The following COL9A3 variants were observed in gnomAD, a reference collection of about 807,000 sequenced individuals.
COL9A3 encodes collagen type IX alpha 3 chain, also known as collagen alpha-3(IX) chain.
A neutral mutation model predicts 110.2 loss-of-function variants in COL9A3; 82 were observed. The ratio of observed to expected loss-of-function variants is 0.74; its 90% CI spans 0.62 to 0.89. The LOEUF is 0.89. COL9A3 is among the 40% of genes least tolerant of loss of function. The pLI is 0.00. For synonymous variants in COL9A3, 494 were observed against 403.8 expected (o/e 1.22, Z -2.68); for missense variants, 1,066 against 981.3 (o/e 1.09, Z -1.15).
intron 12 of COL9A3, 89 bp from the exon 13 acceptor site, chr20:62,825,728 G>A: frequency 2.2e-6 from 3 of 1,355,932 alleles, no homozygotes; most frequent in Non-Finnish European, 3.1e-6. Context: ...ACCCCCAGCT[G>A]CTTGGGCTTG....
At chr20:62,818,638 GTC>G in intron 3 of COL9A3, 85 bp downstream of exon 3, 1 of 1,406,902 alleles carries the variant, frequency 7.1e-7, no homozygotes, top group Non-Finnish European at 1.0e-6. Context: ...TTGATATCCT[GTC>G]TCATCCTGCC....
chr20:62,837,173 C>G lies in COL9A3; in HGVS notation c.1694C>G (p.Pro565Arg). The G allele has an allele frequency of 6.2e-7, 1 of 1,612,350 alleles. No homozygotes were observed. Residue 565 changes from proline to arginine, a missense_variant, in exon 30 of 32, where the codon CCA becomes CGA. By Grantham distance (103) the Pro-to-Arg change is moderately radical (BLOSUM62 -2). Transcript: ENST00000649368. ...RPGPAGPPGP[P>R]GPPGSIGHPG... ...GGTCCAGCTGGCCCCCCTGGGCCCC[C>G]AGGACCCCCAGGCTCCATTGGTCAC... is the stretch of plus-strand genomic sequence containing the variant.
chr20:62,827,969 G>A lies in COL9A3; in HGVS notation c.893G>A (p.Gly298Glu), dbSNP rs764062674. Residue 298 changes from glycine (G) to glutamate (E), a missense_variant, in exon 17 of 32, where the codon GGA becomes GAA. Physicochemically the swap from Gly to Glu is moderately conservative, Grantham distance 98. Coordinates refer to ENST00000649368, the MANE Select transcript of COL9A3 (RefSeq NM_001853.4). ...KGTPGVAGPS[G>E]EPGMPGKDGQ... is the part of the protein sequence containing the mutation. ...ACCCCCGGAGTGGCCGGGCCAAGCG[G>A]AGAGCCGGTGAGTGCACGTGGCTGC... 6.2e-7 allele frequency: 1 copy of A among 1,612,826 alleles called. No individual in the cohort carries two copies. The highest frequency in any genetic ancestry group is 2.2e-5 in the East Asian group (1 of 44,900).
In COL9A3 at chr20:62,817,144, T is replaced by A; in HGVS notation, c.78+2T>A. 1 of 1,393,526 alleles carries A rather than the reference T, an allele frequency of 7.2e-7. No individual in the cohort carries two copies. The allele number at this position is 1,393,526 out of a possible 1,614,324, so 86.3% of individuals were successfully genotyped here. A position where few individuals can be genotyped will look rare whatever the true frequency, so the allele number is the denominator to read the frequency against. On this transcript the variant is annotated splice_donor_variant, in intron 1 of 31. Coordinates refer to ENST00000649368, the MANE Select transcript of COL9A3 (RefSeq NM_001853.4). LOFTEE classifies it high-confidence loss of function. The stretch of plus-strand genomic sequence containing the variant: ...CTTCTGGCGGCCGCCGGGGCGCAGG[T>A]GAGCGCGAGCTCCGGGCTCTGAGGC...
At position 62,832,978 on chromosome 20, in the gene COL9A3, T is replaced by C. The variant is rs375089752; in HGVS notation, c.1324-42T>C. 7 of 1,591,140 alleles carry C rather than the reference T, an allele frequency of 4.4e-6. No homozygotes were observed. In the African/African-American group the frequency reaches 5.4e-5, roughly 12 times the overall value. On this transcript the variant is annotated intron_variant, in intron 25 of 31. Coordinates refer to ENST00000649368, the MANE Select transcript of COL9A3 (RefSeq NM_001853.4). ...CTTTAAGGCATGAAGTCCCTACTCATGCATGAACAGCTCTTTTAACTTTGG... is the reference window on the plus strand; with the variant it reads ...CTTTAAGGCATGAAGTCCCTACTCACGCATGAACAGCTCTTTTAACTTTGG...
Position 62,836,486 on chromosome 20 carries a change from G to A in COL9A3, c.1557G>A (p.Glu519=). ...TGTGGGGTGAATTCCAGGGGAAGGAGGCCAGCGAGCAGCGCATCAGGGAGC... is the reference window on the plus strand; with the variant it reads ...TGTGGGGTGAATTCCAGGGGAAGGAAGCCAGCGAGCAGCGCATCAGGGAGC... ...ITGKPGVPGK[E]ASEQRIRELC... is the part of the protein sequence containing the mutation. The change falls in exon 29 of 32, where the codon GAG becomes GAA. Residue 519 remains glutamate, a synonymous_variant. Coordinates refer to ENST00000649368, the MANE Select transcript of COL9A3 (RefSeq NM_001853.4). 1.2e-6 allele frequency: 2 copies of A among 1,613,684 alleles called. No individual in the cohort carries two copies. Among genetic ancestry groups the A allele is most frequent in the Non-Finnish European group, 1.7e-6 (2 of 1,179,824 alleles).
intron 10 of COL9A3, among the ~76,000 whole-genome samples, chr20:62,823,124 C>T (rs1225179192): frequency 6.6e-6 from 1 of 152,312 alleles, no homozygotes; most frequent in South Asian, 2.1e-4. Context: ...ATCGCTTAAG[C>T]TCAGGAGTTT....
At chr20:62,821,975 A>G in intron 8 of COL9A3, 136 bp from the exon 9 acceptor site, 1 of 773,942 alleles carries the variant, frequency 1.3e-6, no homozygotes, top group Non-Finnish European at 2.3e-6. Context: ...ACCCGACCTC[A>G]GGACGCAGAC....
In COL9A3 at chr20:62,827,245, A is replaced by G. The variant is rs773593083; in HGVS notation, c.797A>G (p.Asp266Gly). Residue 266 changes from aspartate to glycine, a missense_variant, in exon 16 of 32, where the codon GAC becomes GGC. Transcript: ENST00000649368. ...GIPGAPGKAG[D>G]RGERGPEGFR... The stretch of plus-strand genomic sequence containing the variant: ...GCCCCACCTCATCCTTTCCAGGGTG[A>G]CCGAGGCGAGAGGGGCCCAGAAGGG... 6.2e-7 allele frequency: 1 copy of G among 1,613,234 alleles called. No individual in the cohort carries two copies. The highest frequency in any genetic ancestry group is 1.7e-5 in the Admixed American group (1 of 60,024).
intron 15 of COL9A3, 134 bp downstream of exon 15, chr20:62,826,954 G>C: frequency 4.0e-6 from 4 of 995,350 alleles, no homozygotes; most frequent in Non-Finnish European, 6.1e-6. Context: ...ACCCTGGGAG[G>C]GCTTGTGGCA....
intron 12 of COL9A3, 100 bp from the exon 13 acceptor site, chr20:62,825,717 C>A: frequency 8.1e-7 from 1 of 1,236,314 alleles, no homozygotes; most frequent in Non-Finnish European, 1.2e-6. Context: ...AAGGGGGCAA[C>A]ACCCCCAGCT....
rs535310076 is a variant in COL9A3 at position 62,837,303 on chromosome 20, A to C, written c.1786+38A>C. 3.5e-5 allele frequency: 56 copies of C among 1,594,984 alleles called. 2 individuals carry two copies. The highest frequency in any genetic ancestry group is 2.7e-4 in the East Asian group (12 of 44,556). ...CCCCATGACACGGTCACCCTGCTGT[A>C]AAAATCCCTGAGACTGACTTGTTAG... On this transcript the variant is annotated intron_variant, in intron 30 of 31. Transcript: ENST00000649368.
rs781085435 is a variant in COL9A3, at chr20:62,822,158, A to G, written c.471A>G (p.Gly157=). The G allele has an allele frequency of 1.3e-6, 2 of 1,571,876 alleles. No homozygotes were observed. Among genetic ancestry groups the G allele is most frequent in the South Asian group, 1.1e-5 (1 of 90,262 alleles). ...PGLPGPPGPP[G]PPGHPGVLPE... The stretch of plus-strand genomic sequence containing the variant: ...TCCCTGGTCCCCCAGGACCTCCCGG[A>G]CCCCCTGTAAGTACTGGGCAGAGGC... Residue 157 remains glycine (G), a synonymous_variant, in exon 9 of 32, where the codon GGA becomes GGG. Coordinates refer to ENST00000649368, the MANE Select transcript of COL9A3 (RefSeq NM_001853.4).
Position 62,838,734 on chromosome 20 carries a change from G to A in COL9A3, c.1837G>A (p.Gly613Arg), listed in dbSNP as rs1131691582. ...DKGAAGAGLD[G>R]PEGDQGPQGP... ...AGGCGCGGCAGGAGCAGGGCTGGACGGGCCTGAAGGAGACCAGGGGCCCCA... is the reference window on the plus strand; with the variant it reads ...AGGCGCGGCAGGAGCAGGGCTGGACAGGCCTGAAGGAGACCAGGGGCCCCA... Residue 613 changes from glycine to arginine, a missense_variant, in exon 31 of 32, where the codon GGG (glycine) becomes AGG (arginine). Gly to Arg is a moderately radical substitution (Grantham distance 125). Transcript: ENST00000649368. 17 of 1,552,128 alleles carry A rather than the reference G, an allele frequency of 1.1e-5. No homozygotes were observed. Among genetic ancestry groups the A allele is most frequent in the South Asian group, 3.6e-5 (3 of 84,086 alleles).
At chr20:62,828,620 T>C in intron 17 of COL9A3, 144 bp from the exon 18 acceptor site, 1 of 959,754 alleles carries the variant, frequency 1.0e-6, no homozygotes, top group Non-Finnish European at 1.6e-6. Flanking sequence ...ACGGCCACCT[T>C]GGTCATGAAA....
intron 24 of COL9A3, 107 bp from the exon 25 acceptor site, chr20:62,832,047 G>T: frequency 8.9e-7 from 1 of 1,125,592 alleles, no homozygotes; most frequent in Non-Finnish European, 1.4e-6. Flanking sequence ...CCTTTGTGCA[G>T]CACAGATGGA....
chr20:62,838,549 A>C lies in COL9A3; in HGVS notation c.1787-135A>C, dbSNP rs910510887. On this transcript the variant is annotated intron_variant, in intron 30 of 31. Coordinates refer to ENST00000649368, the MANE Select transcript of COL9A3 (RefSeq NM_001853.4). Reference sequence around the variant, plus strand: ...CCCCGTCAAGCCCTACGCGTGTGACATCTGTACTTTTCTAAATGTTTCCAC... The same window carrying C: ...CCCCGTCAAGCCCTACGCGTGTGACCTCTGTACTTTTCTAAATGTTTCCAC... 2.3e-5 allele frequency: 19 copies of C among 843,358 alleles called. No individual in the cohort carries two copies. In the Admixed American group the frequency reaches 3.8e-4, roughly 17 times the overall value. 52.2% of individuals were successfully genotyped at this position (843,358 alleles called of 1,614,324 possible).
At chr20:62,820,939 C>T (rs1466491880) in intron 5 of COL9A3, among the ~76,000 whole-genome samples, 1 of 152,194 alleles carries the variant, frequency 6.6e-6, no homozygotes, top group East Asian at 1.9e-4. Flanking sequence ...CTCAGCCCTG[C>T]CTCAGGTTGC....
chr20:62,840,148 T>TC (rs1454935367), intron 31 of COL9A3, among the ~76,000 whole-genome samples: 11 of 151,262 alleles, frequency 7.3e-5, no homozygotes, highest in Admixed American at 7.2e-4. Flanking sequence ...GCTGACTCCC[T>TC]CTTCCCTCAC....
Sources: gnomAD v4.1 joint callset for allele counts (sites outside exome capture counted in the v4.1 genomes callset) on GRCh38, gnomAD v4.1.1 for gene constraint, MANE v1.5 for transcripts, NCBI Gene and HGNC (gene_info 2026-07-23, HGNC 2026-07-21) for gene names.